Variants in ERCC3 observed in about 807,000 individuals in gnomAD.
The protein encoded by ERCC3 is ERCC excision repair 3, TFIIH core complex helicase subunit.
A neutral mutation model predicts 94.2 loss-of-function variants in ERCC3; 66 were observed. That is an observed-to-expected ratio of 0.70 (90% CI 0.57 to 0.86). The LOEUF (loss-of-function observed/expected upper bound fraction) is 0.86, where lower values mean the gene tolerates loss of function less well. ERCC3 is among the 40% of genes least tolerant of loss of function. ERCC3 has a pLI of 0.00. For synonymous variants in ERCC3, 349 were observed against 369.1 expected (o/e 0.95, Z 0.63); for missense variants, 829 against 987.1 (o/e 0.84, Z 2.15).
chr2:127,260,374 T>C (rs1018846326), intron 13 of ERCC3: 1 of 152,274 alleles, frequency 6.6e-6, no homozygotes, highest in African/African-American at 2.4e-5. Context: ...GTAGGAATGC[T>C]ATTACCAACA....
intron 10 of ERCC3, among the ~76,000 whole-genome samples, chr2:127,278,892 C>T: frequency 1.3e-5 from 2 of 151,600 alleles, no homozygotes; most frequent in Middle Eastern, 6.8e-3. Context: ...CTTTGGAGCC[C>T]AGATCTTCCA....
rs747216081 is a variant in ERCC3, at chr2:127,271,487, A to AG, written c.1828-35dup. Reference sequence around the variant, plus strand: ...ACAAGTTGGAAGGTTTTTATATATGAGGAAAAAAAAAAAGTCAACTGATCC... The same window carrying AG: ...ACAAGTTGGAAGGTTTTTATATATGAGGGAAAAAAAAAAAGTCAACTGATCC... On this transcript the variant is annotated intron_variant, in intron 11 of 14. Coordinates refer to ENST00000285398, the MANE Select transcript of ERCC3 (RefSeq NM_000122.2). The surrounding 1 kb of genome is among the most constrained non-coding windows in gnomAD (Gnocchi z 5.0). 10 of 1,402,466 alleles carry AG rather than the reference A, an allele frequency of 7.1e-6. No individual in the cohort carries two copies. The highest frequency in any genetic ancestry group is 9.0e-6 in the Non-Finnish European group (9 of 998,030). The allele number at this position is 1,402,466 out of a possible 1,614,324, so 86.9% of individuals were successfully genotyped here. A position where few individuals can be genotyped will look rare whatever the true frequency, so the allele number is the denominator to read the frequency against.
At position 127,274,477 on chromosome 2, in the gene ERCC3, G is replaced by A. The variant is rs571093527; in HGVS notation, c.1731-1516C>T. On this transcript the variant is annotated intron_variant, in intron 10 of 14. Transcript: ENST00000285398. The surrounding 1 kb of genome is among the most constrained non-coding windows in gnomAD (Gnocchi z 4.0). ...ACCTGGGAGTGGCTGCTCCACTGCCGAGGCCCGTTAGCACCCAGAGCAGTG... is the reference window on the plus strand; with the variant it reads ...ACCTGGGAGTGGCTGCTCCACTGCCAAGGCCCGTTAGCACCCAGAGCAGTG... Among the ~76,000 whole-genome samples the A allele has an allele frequency of 2.6e-5, 4 of 152,310 alleles. No homozygotes were observed. The highest frequency in any genetic ancestry group is 2.1e-4 in the South Asian group (1 of 4,830).
intron 12 of ERCC3, among the ~76,000 whole-genome samples, chr2:127,266,056 T>C (rs532090444): frequency 6.6e-6 from 1 of 152,078 alleles, no homozygotes; most frequent in East Asian, 1.9e-4. Context: ...AGGAGCAAGT[T>C]GTTTAGTTTC....
In ERCC3 at chr2:127,280,954, T is replaced by C. The variant is rs1231183184; in HGVS notation, c.1343-323A>G. 5 of 492,226 alleles carry C rather than the reference T, an allele frequency of 1.0e-5. No homozygotes were observed. The highest frequency in any genetic ancestry group is 1.8e-5 in the Non-Finnish European group (5 of 281,296). The allele number at this position is 492,226 out of a possible 1,614,324, so 30.5% of individuals were successfully genotyped here. On this transcript the variant is annotated intron_variant, in intron 8 of 14. Transcript: ENST00000285398. This position sits in a 1 kb window ranked among gnomAD's most constrained non-coding sequence, Gnocchi z 6.3. The stretch of plus-strand genomic sequence containing the variant: ...TAGACAAGAATGACTAGGCAAATGC[T>C]TCACCATCACTTTTAGACCTGTCCA...
chr2:127,257,950 AG>A lies in ERCC3; in HGVS notation c.2218-224del, dbSNP rs1684071368. Among the ~76,000 whole-genome samples the A allele has an allele frequency of 6.6e-6, 1 of 152,200 alleles. No homozygotes were observed. The highest frequency in any genetic ancestry group is 6.5e-5 in the Admixed American group (1 of 15,274). On this transcript the variant is annotated intron_variant, in intron 14 of 14. Coordinates refer to ENST00000285398, the MANE Select transcript of ERCC3 (RefSeq NM_000122.2). The surrounding 1 kb of genome is among the most constrained non-coding windows in gnomAD (Gnocchi z 5.4). Reference sequence around the variant, plus strand: ...TACTATAATCCACACCTGAAAGAAGAGGAAACTGAGACACAGAGAGATTAAC... The same window carrying A: ...TACTATAATCCACACCTGAAAGAAGAGAAACTGAGACACAGAGAGATTAAC...
intron 3 of ERCC3, chr2:127,290,491 T>C: frequency 1.6e-6 from 1 of 618,626 alleles, no homozygotes; most frequent in East Asian, 2.8e-5. Flanking sequence ...TGGGTAATTC[T>C]GATGCATATC....
chr2:127,294,134 G>C lies in ERCC3; in HGVS notation c.-53C>G. On this transcript the variant is annotated 5_prime_UTR_variant, in exon 1 of 15. Transcript: ENST00000285398. ...ACCCCGCTCCCACAGGCCCGCCGCG[G>C]CATCCGCTCTGGGGGGACTTCCGGC... 1 of 1,591,226 alleles carries C rather than the reference G, an allele frequency of 6.3e-7. No individual in the cohort carries two copies. The highest frequency in any genetic ancestry group is 8.5e-7 in the Non-Finnish European group (1 of 1,171,670).
At chr2:127,261,401 G>T in intron 12 of ERCC3, 55 bp from the exon 13 acceptor site, 1 of 1,108,362 alleles carries the variant, frequency 9.0e-7, no homozygotes, top group Non-Finnish European at 1.4e-6. Flanking sequence ...CCATTAGAAT[G>T]CCAAGAGCTA....
chr2:127,286,728 G>A lies in ERCC3; in HGVS notation c.1317C>T (p.Ile439=). 2 of 1,614,046 alleles carry A rather than the reference G, an allele frequency of 1.2e-6. No individual in the cohort carries two copies. Among genetic ancestry groups the A allele is most frequent in the Non-Finnish European group, 1.7e-6 (2 of 1,179,996 alleles). ...CTGGTATGGTGTGCACTTCATCCAG[G>A]ATCATGAGGCCCCACTCCTGGGTCT... ...WLKTQEWGLM[I]LDEVHTIPAK... Residue 439 remains isoleucine, a synonymous_variant, in exon 8 of 15, where the codon ATC becomes ATT. Coordinates refer to ENST00000285398, the MANE Select transcript of ERCC3 (RefSeq NM_000122.2).
At chr2:127,273,127 C>T (rs973377230) in intron 10 of ERCC3, among the ~76,000 whole-genome samples, 166 bp from the exon 11 acceptor site, 1 of 152,158 alleles carries the variant, frequency 6.6e-6, no homozygotes, top group Non-Finnish European at 1.5e-5. Context: ...GATGCACCTC[C>T]CAGCCTTCCC....
chr2:127,267,429 CTTTTT>C lies in ERCC3; in HGVS notation c.1945+3902_1945+3906del, dbSNP rs372128714. Among the ~76,000 whole-genome samples, 3 of 144,176 alleles carry C rather than the reference CTTTTT, an allele frequency of 2.1e-5. No homozygotes were observed. The South Asian group carries it at 6.6e-4, about 32-fold the overall frequency. 94.6% of individuals were successfully genotyped at this position (144,176 alleles called of 152,430 possible). A position where few individuals can be genotyped will look rare whatever the true frequency, so the allele number is the denominator to read the frequency against. ...AAGAATAGTGACCCCCTGCCCCACTCTTTTTTTTTTTTTATTTGTGTGATAGATTT... is the reference window on the plus strand; with the variant it reads ...AAGAATAGTGACCCCCTGCCCCACTCTTTTTTTTATTTGTGTGATAGATTT... On this transcript the variant is annotated intron_variant, in intron 12 of 14. Coordinates refer to ENST00000285398, the MANE Select transcript of ERCC3 (RefSeq NM_000122.2).
intron 8 of ERCC3, among the ~76,000 whole-genome samples, chr2:127,283,135 G>A (rs1573953129): frequency 8.4e-6 from 1 of 119,542 alleles, no homozygotes; most frequent in African/African-American, 3.2e-5. Context: ...CTGACTTGGG[G>A]CGGGGGGTGG....
At chr2:127,262,230 C>T (rs1573929096) in intron 12 of ERCC3, 1 of 152,362 alleles carries the variant, frequency 6.6e-6, no homozygotes, top group Admixed American at 6.5e-5. Flanking sequence ...GTGACCCAGT[C>T]CTGTAATCCC....
chr2:127,292,528 C>T (rs1685306426), intron 3 of ERCC3, 82 bp downstream of exon 3: 1 of 930,652 alleles, frequency 1.1e-6, no homozygotes, highest in Admixed American at 1.7e-5. Context: ...TCATGGCTGC[C>T]ACAGGCTGAC....
chr2:127,260,606 C>G (rs946634729), intron 13 of ERCC3: 17 of 154,158 alleles, frequency 1.1e-4, no homozygotes, highest in African/African-American at 3.4e-4. Flanking sequence ...CAAAAGGCAG[C>G]CTGGATTGCA....
chr2:127,258,853 G>A lies in ERCC3; in HGVS notation c.2217+443C>T, dbSNP rs1342266022. ...AAGCTACCACAAGAGTTGATCCTCAGAGCAGTCTTAGGGGCTAGAGGGCTC... is the reference window on the plus strand; with the variant it reads ...AAGCTACCACAAGAGTTGATCCTCAAAGCAGTCTTAGGGGCTAGAGGGCTC... On this transcript the variant is annotated intron_variant, in intron 14 of 14. Coordinates refer to ENST00000285398, the MANE Select transcript of ERCC3 (RefSeq NM_000122.2). The surrounding 1 kb of genome is among the most constrained non-coding windows in gnomAD (Gnocchi z 4.1). 6.6e-6 allele frequency among the ~76,000 whole-genome samples: 1 copy of A among 152,182 alleles called. No homozygotes were observed. The highest frequency in any genetic ancestry group is 1.5e-5 in the Non-Finnish European group (1 of 68,036).
At position 127,289,721 on chromosome 2, in the gene ERCC3, G is replaced by T; in HGVS notation, c.625C>A (p.Leu209Ile). Residue 209 changes from leucine (L) to isoleucine (I), a missense_variant, in exon 5 of 15, where the codon CTC becomes ATC. Leu to Ile is a conservative substitution (Grantham distance 5). Transcript: ENST00000285398. ...TTGCTTGTGAAAGTCTCTGTGATGA[G>T]CTCAGTGGCCTCCCCTTCAGAGTTT... ...LRNSEGEATELITETFTSKSA... is the reference protein window; with the variant it reads ...LRNSEGEATEIITETFTSKSA... 6.2e-7 allele frequency: 1 copy of T among 1,614,126 alleles called. No individual in the cohort carries two copies. The highest frequency in any genetic ancestry group is 8.5e-7 in the Non-Finnish European group (1 of 1,180,008).
intron 6 of ERCC3, 42 bp from the exon 7 acceptor site, chr2:127,288,906 G>C: frequency 6.8e-7 from 1 of 1,479,038 alleles, no homozygotes; most frequent in Non-Finnish European, 9.4e-7. Flanking sequence ...TCTTGTTACT[G>C]TGCTCAAAAA....
Sources: gnomAD v4.1 joint callset for allele counts (sites outside exome capture counted in the v4.1 genomes callset) on GRCh38, gnomAD v4.1.1 for gene constraint, Gnocchi (gnomAD v3.1) non-coding constraint, MANE v1.5 for transcripts, NCBI Gene and HGNC (gene_info 2026-07-23, HGNC 2026-07-21) for gene names.